PPARD: variants seen among roughly 807,000 people sequenced by gnomAD.
PPARD encodes peroxisome proliferator activated receptor delta, also known as peroxisome proliferator-activated receptor delta.
PPARD carries 6 observed loss-of-function variants against 39.5 expected under a neutral mutation model. The observed-to-expected ratio is 0.15, with a 90% CI of 0.08 to 0.30. The LOEUF (loss-of-function observed/expected upper bound fraction) is 0.30, where lower values mean the gene tolerates loss of function less well. Ranked by LOEUF, PPARD falls within the 10% of genes least tolerant of loss-of-function variation. The pLI, the probability that PPARD is intolerant of heterozygous loss-of-function variation, is 1.00. For missense variants in PPARD, 397 were observed against 596.8 expected (o/e 0.67, Z 3.49); for synonymous variants, 210 against 231.3 (o/e 0.91, Z 0.83).
intron 2 of PPARD, among the ~76,000 whole-genome samples, chr6:35,383,986 G>A (rs926074924): frequency 2.1e-5 from 3 of 142,934 alleles, no homozygotes; most frequent in Admixed American, 6.6e-5. Context: ...CCGGGAGGGA[G>A]GTGGGGGGGT....
chr6:35,347,018 C>A, intron 1 of PPARD, 49 bp from the exon 2 acceptor site: 2 of 1,215,932 alleles, frequency 1.6e-6, no homozygotes, highest in Non-Finnish European at 2.3e-6. Context: ...GCTTTGAGGG[C>A]CCCTGGCACC....
chr6:35,345,823 G>A, intron 1 of PPARD, among the ~76,000 whole-genome samples: 1 of 151,940 alleles, frequency 6.6e-6, no homozygotes, highest in African/African-American at 2.4e-5. Context: ...GGCACATCCT[G>A]GGATAGTGCA....
At chr6:35,400,749 G>A (rs1764649091) in intron 2 of PPARD, among the ~76,000 whole-genome samples, 1 of 151,906 alleles carries the variant, frequency 6.6e-6, no homozygotes, top group Non-Finnish European at 1.5e-5. Flanking sequence ...GCAGTGAGCT[G>A]TGATTGTGCC....
At chr6:35,345,069 C>G (rs967110726) in intron 1 of PPARD, among the ~76,000 whole-genome samples, 1 of 152,170 alleles carries the variant, frequency 6.6e-6, no homozygotes, top group Non-Finnish European at 1.5e-5. Flanking sequence ...TCTGGCCGTG[C>G]TTACCCCTTA....
intron 2 of PPARD, among the ~76,000 whole-genome samples, chr6:35,391,279 A>G (rs1239432458): frequency 5.3e-5 from 8 of 152,262 alleles, no homozygotes; most frequent in Admixed American, 4.6e-4. Context: ...TTAAAACTAG[A>G]GAAAAGTTAA....
At chr6:35,370,447 A>C (rs1762425956) in intron 2 of PPARD, among the ~76,000 whole-genome samples, 1 of 152,162 alleles carries the variant, frequency 6.6e-6, no homozygotes, top group South Asian at 2.1e-4. Flanking sequence ...GTCAGGAGAG[A>C]TGTCACTCTG....
intron 2 of PPARD, among the ~76,000 whole-genome samples, chr6:35,380,476 GTTTTTTTTTTTTTTTTTTTT>G (rs71002557): frequency 1.5e-5 from 1 of 67,102 alleles, no homozygotes; most frequent in African/African-American, 5.0e-5. Flanking sequence ...TTTTTTGTTT[GTTTTTTTTTTTTTTTTTTTT>G]TTTTTTTTTT....
chr6:35,392,423 G>A (rs899014377), intron 2 of PPARD, among the ~76,000 whole-genome samples: 6 of 151,806 alleles, frequency 4.0e-5, no homozygotes, highest in African/African-American at 9.7e-5. Flanking sequence ...TCCAGCCTCC[G>A]CCTGCCCAGA....
intron 2 of PPARD, among the ~76,000 whole-genome samples, chr6:35,407,904 A>T (rs895993667): frequency 6.6e-6 from 1 of 151,294 alleles, no homozygotes; most frequent in Non-Finnish European, 1.5e-5. Flanking sequence ...CCAGAACCCC[A>T]CTCTACTCTT....
At chr6:35,417,666 G>A (rs1369104441) in intron 3 of PPARD, among the ~76,000 whole-genome samples, 1 of 152,030 alleles carries the variant, frequency 6.6e-6, no homozygotes, top group Non-Finnish European at 1.5e-5. Flanking sequence ...CGAGTAGCTG[G>A]GACTACAGGC....
At chr6:35,368,226 A>G (rs1762304763) in intron 2 of PPARD, among the ~76,000 whole-genome samples, 1 of 152,188 alleles carries the variant, frequency 6.6e-6, no homozygotes, top group Non-Finnish European at 1.5e-5. Flanking sequence ...GGTTTGCTCT[A>G]GGGATTTGCT....
intron 1 of PPARD, among the ~76,000 whole-genome samples, chr6:35,343,338 A>G (rs1419890790): frequency 6.6e-6 from 1 of 151,838 alleles, no homozygotes; most frequent in Non-Finnish European, 1.5e-5. Flanking sequence ...CTGTCTCCCT[A>G]AGACTCTCAC....
At chr6:35,355,239 C>T (rs576350401) in intron 2 of PPARD, among the ~76,000 whole-genome samples, 1 of 152,114 alleles carries the variant, frequency 6.6e-6, no homozygotes, top group African/African-American at 2.4e-5. Context: ...CACTTGAGGC[C>T]ACGAGTTTGA....
intron 1 of PPARD, among the ~76,000 whole-genome samples, chr6:35,343,664 A>G (rs1048142399): frequency 6.6e-5 from 10 of 152,238 alleles, no homozygotes; most frequent in African/African-American, 2.4e-4. Context: ...CATTCTTCTT[A>G]TCTCAGCTTT....
chr6:35,377,489 T>G (rs957306450), intron 2 of PPARD, among the ~76,000 whole-genome samples: 1 of 152,218 alleles, frequency 6.6e-6, no homozygotes, highest in African/African-American at 2.4e-5. Flanking sequence ...TTCAGCAAAT[T>G]GAACTATTTG....
chr6:35,422,085 A>G (rs762944812), intron 5 of PPARD, 127 bp downstream of exon 5: 250 of 1,188,584 alleles, frequency 2.1e-4, no homozygotes, highest in Non-Finnish European at 2.7e-4. Context: ...AGTAAGCACC[A>G]TGGCTGTTGG....
intron 4 of PPARD, 89 bp downstream of exon 4, chr6:35,420,370 G>A: frequency 6.8e-7 from 1 of 1,473,308 alleles, no homozygotes; most frequent in South Asian, 1.4e-5. Context: ...GCCTTGGGGT[G>A]GGGCCCTGAC....
intron 2 of PPARD, among the ~76,000 whole-genome samples, chr6:35,400,069 C>A (rs896941955): frequency 6.6e-6 from 1 of 152,150 alleles, no homozygotes; most frequent in Non-Finnish European, 1.5e-5. Context: ...CTGGACAGAC[C>A]GACCAATCAC....
intron 2 of PPARD, among the ~76,000 whole-genome samples, chr6:35,391,168 C>T (rs6915115): frequency 0.04 from 6,136 of 151,892 alleles, 266 homozygotes; most frequent in African/African-American, 0.11. Context: ...ATAGAAAATG[C>T]GGAAGAGAGC....
Sources: gnomAD v4.1 joint callset for allele counts (sites outside exome capture counted in the v4.1 genomes callset) on GRCh38, gnomAD v4.1.1 for gene constraint, MANE v1.5 for transcripts, NCBI Gene and HGNC (gene_info 2026-07-23, HGNC 2026-07-21) for gene names.